Variants in STXBP5L observed in about 807,000 individuals in gnomAD.
The protein encoded by STXBP5L is syntaxin binding protein 5L, also known as syntaxin-binding protein 5-like.
In STXBP5L, 65 loss-of-function variants were observed where a neutral mutation model predicts 144.5. The observed-to-expected ratio is 0.45, with a 90% CI of 0.37 to 0.55. STXBP5L has a LOEUF of 0.55. Among genes scored for constraint, STXBP5L ranks in the 20% least tolerant of loss-of-function variants. The pLI, the probability that STXBP5L is intolerant of heterozygous loss-of-function variation, is 0.00. For missense variants in STXBP5L, 1,298 were observed against 1,405.5 expected (o/e 0.92, Z 1.22); for synonymous variants, 505 against 469.6 (o/e 1.08, Z -0.97).
intron 2 of STXBP5L, among the ~76,000 whole-genome samples, chr3:120,944,633 T>C (rs1423506273): frequency 6.6e-6 from 1 of 151,762 alleles, no homozygotes; most frequent in Non-Finnish European, 1.5e-5. Flanking sequence ...CTAGTACCAA[T>C]ACTTCCATCG....
At chr3:120,992,505 G>T (rs1576597724) in intron 3 of STXBP5L, among the ~76,000 whole-genome samples, 1 of 151,858 alleles carries the variant, frequency 6.6e-6, no homozygotes, top group Non-Finnish European at 1.5e-5. Context: ...CTACCTTCAT[G>T]AGATCAATTT....
chr3:121,156,422 G>A (rs750773112), intron 8 of STXBP5L, among the ~76,000 whole-genome samples: 4 of 151,908 alleles, frequency 2.6e-5, no homozygotes, highest in Non-Finnish European at 4.4e-5. Context: ...AAAAGATGTT[G>A]TATGCTTCTT....
chr3:121,137,024 G>T (rs930540411), intron 7 of STXBP5L, among the ~76,000 whole-genome samples: 2 of 152,108 alleles, frequency 1.3e-5, no homozygotes, highest in African/African-American at 4.8e-5. Context: ...GGAGCTAAAC[G>T]TTGTGTACAC....
intron 9 of STXBP5L, among the ~76,000 whole-genome samples, chr3:121,195,444 C>T (rs1246383342): frequency 6.6e-6 from 1 of 152,176 alleles, no homozygotes; most frequent in Non-Finnish European, 1.5e-5. Flanking sequence ...CTCCCCTCCC[C>T]TGCTTCACCC....
chr3:121,353,352 G>A (rs915751835), intron 20 of STXBP5L, among the ~76,000 whole-genome samples: 5 of 152,014 alleles, frequency 3.3e-5, no homozygotes, highest in African/African-American at 1.2e-4. Flanking sequence ...TATCACATCA[G>A]TTTCAGAGCC....
chr3:121,111,784 C>T (rs909135398), intron 5 of STXBP5L, among the ~76,000 whole-genome samples: 10 of 152,214 alleles, frequency 6.6e-5, no homozygotes, highest in Non-Finnish European at 1.5e-5. Context: ...AGGAATCCCA[C>T]TCATCTGCAC....
intron 20 of STXBP5L, among the ~76,000 whole-genome samples, chr3:121,369,743 A>G (rs2045973385): frequency 6.6e-6 from 1 of 152,086 alleles, no homozygotes; most frequent in Non-Finnish European, 1.5e-5. Context: ...TAGGTGACCT[A>G]TCCTTTCTCT....
intron 5 of STXBP5L, among the ~76,000 whole-genome samples, chr3:121,070,328 G>C (rs1364805310): frequency 1.3e-5 from 2 of 152,184 alleles, no homozygotes; most frequent in Non-Finnish European, 2.9e-5. Flanking sequence ...AGCCATGCAG[G>C]AACTCACTGG....
At chr3:121,192,818 A>T (rs2047752985) in intron 9 of STXBP5L, among the ~76,000 whole-genome samples, 1 of 152,224 alleles carries the variant, frequency 6.6e-6, no homozygotes, top group South Asian at 2.1e-4. Flanking sequence ...TACAAAAATT[A>T]ATTCAAGACG....
chr3:121,028,839 C>A (rs1233290724), intron 3 of STXBP5L, among the ~76,000 whole-genome samples: 1 of 152,052 alleles, frequency 6.6e-6, no homozygotes, highest in Non-Finnish European at 1.5e-5. Flanking sequence ...TTCCTGACAA[C>A]AACTGCCATA....
intron 22 of STXBP5L, among the ~76,000 whole-genome samples, chr3:121,406,160 A>T (rs9828910): frequency 6.6e-6 from 1 of 151,814 alleles, no homozygotes; most frequent in Non-Finnish European, 1.5e-5. Context: ...GCAGCACCTA[A>T]ACCTCTACTC....
In STXBP5L at chr3:120,909,695, G is replaced by A. The variant is rs1340508650; in HGVS notation, c.117G>A (p.Pro39=). ...GGGCTGGAAGTGGTTCCGTACATCCGGCGGGGACTGCAGGGGTTCTCAGAG... is the reference window on the plus strand; with the variant it reads ...GGGCTGGAAGTGGTTCCGTACATCCAGCGGGGACTGCAGGGGTTCTCAGAG... ...GGGAGSGSVH[P]AGTAGVLREE... Residue 39 remains proline (P), a synonymous_variant, in exon 2 of 27, where the codon CCG becomes CCA. Transcript: ENST00000471454. 9 of 1,612,364 alleles carry A rather than the reference G, an allele frequency of 5.6e-6. No individual in the cohort carries two copies. Among genetic ancestry groups the A allele is most frequent in the Non-Finnish European group, 7.6e-6 (9 of 1,179,600 alleles).
chr3:121,234,232 G>A (rs2108317799), intron 12 of STXBP5L, among the ~76,000 whole-genome samples: 1 of 152,062 alleles, frequency 6.6e-6, no homozygotes, highest in African/African-American at 2.4e-5. Flanking sequence ...TATTATAATG[G>A]TAATAGCATG....
intron 5 of STXBP5L, among the ~76,000 whole-genome samples, chr3:121,075,228 T>A (rs757329747): frequency 2.0e-5 from 3 of 152,174 alleles, no homozygotes; most frequent in Non-Finnish European, 4.4e-5. Flanking sequence ...CTCTGGACAT[T>A]CATTCCTCCA....
chr3:121,347,058 T>A (rs976416071), intron 20 of STXBP5L, among the ~76,000 whole-genome samples: 2 of 152,120 alleles, frequency 1.3e-5, no homozygotes, highest in African/African-American at 4.8e-5. Context: ...ATTGCCTAGG[T>A]TTTCTTTTAG....
intron 8 of STXBP5L, among the ~76,000 whole-genome samples, chr3:121,154,665 T>G (rs896874960): frequency 4.6e-5 from 7 of 151,756 alleles, no homozygotes; most frequent in African/African-American, 1.2e-4. Context: ...ACCTTTATGC[T>G]AAAAAAAGAA....
intron 9 of STXBP5L, among the ~76,000 whole-genome samples, chr3:121,163,755 C>T (rs7641749): frequency 0.38 from 56,835 of 150,802 alleles, 10,861 homozygotes; most frequent in Non-Finnish European, 0.4. Context: ...ATAAATAAAA[C>T]GTTGAATATA....
chr3:121,223,211 G>T, intron 11 of STXBP5L, 54 bp downstream of exon 11: 1 of 1,519,344 alleles, frequency 6.6e-7, no homozygotes, highest in Non-Finnish European at 8.8e-7. Context: ...GAAATGACAA[G>T]TTTCTAACAA....
At chr3:121,085,260 C>T (rs1047897832) in intron 5 of STXBP5L, among the ~76,000 whole-genome samples, 5 of 152,102 alleles carry the variant, frequency 3.3e-5, no homozygotes, top group Admixed American at 2.6e-4. Context: ...GTTGCAGTTG[C>T]AGTTGACGTT....
Sources: gnomAD v4.1 joint callset for allele counts (sites outside exome capture counted in the v4.1 genomes callset) on GRCh38, gnomAD v4.1.1 for gene constraint, MANE v1.5 for transcripts, NCBI Gene and HGNC (gene_info 2026-07-23, HGNC 2026-07-21) for gene names.